GPHA2: variants seen among roughly 807,000 people sequenced by gnomAD.
The protein encoded by GPHA2 is glycoprotein hormone alpha-2.
A neutral mutation model predicts 15.3 loss-of-function variants in GPHA2; 12 were observed. The observed-to-expected ratio is 0.78, with a 90% CI of 0.50 to 1.27. The LOEUF (loss-of-function observed/expected upper bound fraction) is 1.27. Among genes scored for constraint, GPHA2 ranks in the 50% most tolerant of loss-of-function variants. GPHA2 has a pLI of 0.00. For synonymous variants in GPHA2, 61 were observed against 66.8 expected, an observed-to-expected ratio of 0.91 and a Z score of 0.42; for missense variants, 156 against 169.5, an observed-to-expected ratio of 0.92 and a Z score of 0.44.
intron 1 of GPHA2, 151 bp from the exon 2 acceptor site, chr11:64,935,611 T>TTGTGTG (rs150478676): frequency 2.0e-5 from 11 of 561,684 alleles, no homozygotes; most frequent in Admixed American, 9.3e-5. Flanking sequence ...GTATCTGCCT[T>TTGTGTG]TGTGTGTGTG....
chr11:64,934,932 C>T (rs770513140), intron 3 of GPHA2, 58 bp from the exon 4 acceptor site: 1 of 1,612,662 alleles, frequency 6.2e-7, no homozygotes, highest in Non-Finnish European at 8.5e-7. Flanking sequence ...CTAGGATCTC[C>T]ATCTCTCTGG....
At chr11:64,935,232 A>G (rs1197973796) in intron 2 of GPHA2, 57 bp from the exon 3 acceptor site, 123 of 1,547,722 alleles carry the variant, frequency 7.9e-5, no homozygotes, top group Non-Finnish European at 1.1e-4. Flanking sequence ...GCCTCGCCCC[A>G]GCTCCCGTTG....
At chr11:64,934,970 C>T in intron 3 of GPHA2, 21 bp downstream of exon 3, 1 of 1,613,932 alleles carries the variant, frequency 6.2e-7, no homozygotes, top group Non-Finnish European at 8.5e-7. Context: ...CGTCCATCCA[C>T]CGGGCCCGGG....
intron 3 of GPHA2, 32 bp downstream of exon 3, chr11:64,934,959 G>A (rs761005741): frequency 1.9e-6 from 3 of 1,613,572 alleles, no homozygotes; most frequent in South Asian, 1.1e-5. Flanking sequence ...CGCGACCCCA[G>A]CGTCCATCCA....
At chr11:64,936,833 A>T (rs1945297853), upstream of GPHA2, among the ~76,000 whole-genome samples, 1 of 152,108 alleles carries the variant, frequency 6.6e-6, no homozygotes, top group Non-Finnish European at 1.5e-5. Context: ...GTGCTCCCCT[A>T]GCCCTGGAAT....
upstream of GPHA2, among the ~76,000 whole-genome samples, chr11:64,937,015 C>T (rs1221010790): frequency 6.6e-6 from 1 of 152,156 alleles, no homozygotes; most frequent in African/African-American, 2.4e-5. Context: ...ATCTGCTGTC[C>T]ATCCATGGTG....
chr11:64,936,998 A>T (rs957757362), upstream of GPHA2, among the ~76,000 whole-genome samples: 1 of 152,214 alleles, frequency 6.6e-6, no homozygotes, highest in Non-Finnish European at 1.5e-5. Flanking sequence ...GCTGATTTCA[A>T]ATTCAAATCT....
At chr11:64,936,631 C>T (rs1945296266), upstream of GPHA2, among the ~76,000 whole-genome samples, 2 of 152,084 alleles carry the variant, frequency 1.3e-5, no homozygotes, top group South Asian at 4.1e-4. Flanking sequence ...TTGCCTTTTT[C>T]TAACTGCAAA....
chr11:64,935,307 C>T, intron 2 of GPHA2, 51 bp downstream of exon 2: 1 of 1,493,462 alleles, frequency 6.7e-7, no homozygotes, highest in African/African-American at 1.4e-5. Flanking sequence ...GCTCTTTGCT[C>T]CCACCCAGAA....
At position 64,934,629 on chromosome 11, in the gene GPHA2, A is replaced by G; in HGVS notation, c.*144T>C. The G allele has an allele frequency of 1.5e-6, 1 of 675,502 alleles. No individual in the cohort carries two copies. The highest frequency in any genetic ancestry group is 2.4e-5 in the Admixed American group (1 of 41,420). 41.8% of individuals were successfully genotyped at this position (675,502 alleles called of 1,614,324 possible). On this transcript the variant is annotated 3_prime_UTR_variant, in exon 4 of 4. Transcript: ENST00000279168. ...TCTTACAAAGGATCAAAGCTGGAAC[A>G]ACCCTCCCCTTATTTAAAAAAATTC...
Position 64,934,879 on chromosome 11 carries a change from G to A in GPHA2, c.289-5C>T, listed in dbSNP as rs201305524. ...ACACTGCAGCTGTACTTTGACCTGC[G>A]GGAGAGGGGAGTCCGTGCTGCAGTC... is the stretch of plus-strand genomic sequence containing the variant. On this transcript the variant is annotated splice_region_variant and splice_polypyrimidine_tract_variant and intron_variant, in intron 3 of 3. Coordinates refer to ENST00000279168, the MANE Select transcript of GPHA2 (RefSeq NM_130769.4). 24 of 1,613,518 alleles carry A rather than the reference G, an allele frequency of 1.5e-5. No homozygotes were observed. The highest frequency in any genetic ancestry group is 1.6e-4 in the Middle Eastern group (1 of 6,062).
chr11:64,936,091 A>G (rs982988534), upstream of GPHA2, among the ~76,000 whole-genome samples: 2 of 152,122 alleles, frequency 1.3e-5, no homozygotes, highest in African/African-American at 4.8e-5. Flanking sequence ...AGCTACCCAC[A>G]GCCCAGGCCT....
At chr11:64,937,168 G>A (rs1473539398), upstream of GPHA2, among the ~76,000 whole-genome samples, 1 of 152,158 alleles carries the variant, frequency 6.6e-6, no homozygotes. Context: ...TTGCCTCACT[G>A]ATCTGCTCAG....
chr11:64,936,126 C>T (rs1945291878), upstream of GPHA2, among the ~76,000 whole-genome samples: 1 of 152,146 alleles, frequency 6.6e-6, no homozygotes, highest in South Asian at 2.1e-4. Context: ...TGGAGAGAAG[C>T]CTAGGAGCTG....
At chr11:64,937,398 T>G (rs1945303449), upstream of GPHA2, 1 of 152,158 alleles carries the variant, frequency 6.6e-6, no homozygotes, top group Non-Finnish European at 1.5e-5. Context: ...TTTGGGACAG[T>G]CGAGTAAAGG....
At chr11:64,935,486 T>G in intron 1 of GPHA2, 26 bp from the exon 2 acceptor site, 84 of 1,486,686 alleles carry the variant, frequency 5.7e-5, no homozygotes, top group Non-Finnish European at 7.6e-5. Flanking sequence ...GAGATGTCTC[T>G]ACGTGGGTGT....
chr11:64,937,546 C>G (rs58218569), upstream of GPHA2: 1 of 152,422 alleles, frequency 6.6e-6, no homozygotes, highest in African/African-American at 2.4e-5. Context: ...AGCAGTCCAC[C>G]TCTTCTCTTC....
At chr11:64,936,347 G>A (rs888566922), upstream of GPHA2, among the ~76,000 whole-genome samples, 8 of 151,904 alleles carry the variant, frequency 5.3e-5, no homozygotes, top group Non-Finnish European at 8.8e-5. Context: ...GTGTTATCTC[G>A]GCTCACTGCA....
Position 64,934,681 on chromosome 11 carries a change from G to T in GPHA2, c.*92C>A. 9.9e-7 allele frequency: 1 copy of T among 1,007,352 alleles called. No individual in the cohort carries two copies. The highest frequency in any genetic ancestry group is 1.6e-6 in the Non-Finnish European group (1 of 628,088). The allele number at this position is 1,007,352 out of a possible 1,614,324, so 62.4% of individuals were successfully genotyped here. On this transcript the variant is annotated 3_prime_UTR_variant, in exon 4 of 4. Coordinates refer to ENST00000279168, the MANE Select transcript of GPHA2 (RefSeq NM_130769.4). The stretch of plus-strand genomic sequence containing the variant: ...ATAGCAAGTAACCATCAGGGCTGGA[G>T]CTCCTTCCAGTTTTTGAATCTTGAA...
Sources: gnomAD v4.1 joint callset for allele counts (sites outside exome capture counted in the v4.1 genomes callset) on GRCh38, gnomAD v4.1.1 for gene constraint, MANE v1.5 for transcripts, NCBI Gene and HGNC (gene_info 2026-07-23, HGNC 2026-07-21) for gene names.